Variants in MAP4K4 observed in about 807,000 individuals in gnomAD.
MAP4K4 encodes HPK/GCK-like kinase HGK.
Under a neutral mutation model 189.6 loss-of-function variants are expected in MAP4K4, and 38 were observed. That is an observed-to-expected ratio of 0.20 (90% CI 0.15 to 0.26). The LOEUF (loss-of-function observed/expected upper bound fraction) is 0.26, where lower values mean the gene tolerates loss of function less well. Ranked by LOEUF, MAP4K4 falls within the 10% of genes least tolerant of loss-of-function variation. The pLI is 1.00. For missense variants in MAP4K4, 1,054 were observed against 1,726.9 expected (o/e 0.61, Z 6.91); for synonymous variants, 610 against 624.3 (o/e 0.98, Z 0.34).
At chr2:101,817,718 T>C (rs1239401851) in intron 3 of MAP4K4, among the ~76,000 whole-genome samples, 2 of 152,242 alleles carry the variant, frequency 1.3e-5, no homozygotes, top group African/African-American at 4.8e-5. Context: ...TTCAGGCCAT[T>C]GCATGCTGGG....
At chr2:101,716,259 C>T (rs1336730641) in intron 2 of MAP4K4, among the ~76,000 whole-genome samples, 2 of 152,074 alleles carry the variant, frequency 1.3e-5, no homozygotes, top group Non-Finnish European at 2.9e-5. Flanking sequence ...CTGGCTAACA[C>T]GGTGAAACGC....
intron 13 of MAP4K4, among the ~76,000 whole-genome samples, chr2:101,856,852 A>G (rs1254009806): frequency 6.6e-6 from 1 of 152,212 alleles, no homozygotes; most frequent in Non-Finnish European, 1.5e-5. Context: ...AGCACTTGGT[A>G]TCTGTATTTT....
At chr2:101,700,781 GTT>G (rs5832982) in intron 2 of MAP4K4, among the ~76,000 whole-genome samples, 7 of 140,788 alleles carry the variant, frequency 5.0e-5, no homozygotes, top group African/African-American at 7.9e-5. Context: ...AGTAAAATGT[GTT>G]TTTTTTTTTT....
At chr2:101,780,276 C>A (rs2086667236) in intron 2 of MAP4K4, among the ~76,000 whole-genome samples, 1 of 152,058 alleles carries the variant, frequency 6.6e-6, no homozygotes, top group Admixed American at 6.5e-5. Context: ...TAATCTCTTG[C>A]CTTTTGATTT....
At chr2:101,715,466 TGA>T (rs1313880379) in intron 2 of MAP4K4, among the ~76,000 whole-genome samples, 1 of 152,218 alleles carries the variant, frequency 6.6e-6, no homozygotes, top group Non-Finnish European at 1.5e-5. Flanking sequence ...AAAGTGCTAA[TGA>T]TTTATTAACT....
At chr2:101,804,137 A>G (rs2094660963) in intron 3 of MAP4K4, among the ~76,000 whole-genome samples, 1 of 152,198 alleles carries the variant, frequency 6.6e-6, no homozygotes, top group Non-Finnish European at 1.5e-5. Flanking sequence ...AGCCTGCAAC[A>G]TCTGTGCCAC....
chr2:101,861,716 A>G (rs907389515), intron 16 of MAP4K4: 3 of 152,222 alleles, frequency 2.0e-5, no homozygotes, highest in African/African-American at 4.8e-5. Flanking sequence ...AACGAAGATC[A>G]TGGCTAAAGA....
At chr2:101,875,450 A>G (rs1270712448) in intron 26 of MAP4K4, among the ~76,000 whole-genome samples, 1 of 152,082 alleles carries the variant, frequency 6.6e-6, no homozygotes, top group East Asian at 1.9e-4. Context: ...ATGTTGGGAT[A>G]ATCCCAACTC....
chr2:101,799,303 T>C (rs1046392212), intron 3 of MAP4K4, among the ~76,000 whole-genome samples: 2 of 152,216 alleles, frequency 1.3e-5, no homozygotes, highest in Non-Finnish European at 2.9e-5. Context: ...AGTTTTTACA[T>C]AGTAAATGTG....
At chr2:101,799,262 A>T (rs1052108454) in intron 3 of MAP4K4, among the ~76,000 whole-genome samples, 7 of 152,214 alleles carry the variant, frequency 4.6e-5, no homozygotes, top group African/African-American at 1.7e-4. Flanking sequence ...TTTTGTCAGA[A>T]TTAAAATTAA....
At chr2:101,835,444 T>C (rs1365300604) in intron 8 of MAP4K4, among the ~76,000 whole-genome samples, 1 of 152,218 alleles carries the variant, frequency 6.6e-6, no homozygotes, top group Non-Finnish European at 1.5e-5. Context: ...CAATTTTTGC[T>C]CTTTCTAGTA....
At chr2:101,727,431 A>G (rs575457493) in intron 2 of MAP4K4, among the ~76,000 whole-genome samples, 1 of 152,368 alleles carries the variant, frequency 6.6e-6, no homozygotes, top group South Asian at 2.1e-4. Context: ...AGAACCTTGT[A>G]TAGTCAGTGA....
intron 2 of MAP4K4, among the ~76,000 whole-genome samples, chr2:101,728,886 GTATGTGAGAGAAACT>G (rs2056947533): frequency 6.6e-6 from 1 of 152,162 alleles, no homozygotes; most frequent in South Asian, 2.1e-4. Context: ...ATATCTTGTA[GTATGTGAGAGAAACT>G]GATTTATATT....
At chr2:101,732,470 C>G (rs902034160) in intron 2 of MAP4K4, among the ~76,000 whole-genome samples, 18 of 152,272 alleles carry the variant, frequency 1.2e-4, no homozygotes, top group African/African-American at 4.3e-4. Flanking sequence ...TCATTCCCCG[C>G]TCCCCTAGCC....
chr2:101,853,273 T>C (rs2097343778), intron 12 of MAP4K4, among the ~76,000 whole-genome samples: 1 of 151,852 alleles, frequency 6.6e-6, no homozygotes, highest in Non-Finnish European at 1.5e-5. Context: ...TGGAAACAAA[T>C]AGGAAAAAGA....
At chr2:101,795,749 T>C (rs1294263751) in intron 3 of MAP4K4, among the ~76,000 whole-genome samples, 1 of 152,192 alleles carries the variant, frequency 6.6e-6, no homozygotes, top group Non-Finnish European at 1.5e-5. Context: ...AGCTAAGAAG[T>C]ACATTTTTTC....
chr2:101,743,372 T>C (rs1166423953), intron 2 of MAP4K4, among the ~76,000 whole-genome samples: 3 of 152,202 alleles, frequency 2.0e-5, no homozygotes, highest in Non-Finnish European at 2.9e-5. Context: ...ACTGTGACCC[T>C]AGACTCAATA....
intron 2 of MAP4K4, among the ~76,000 whole-genome samples, chr2:101,708,920 T>C (rs2043904614): frequency 6.6e-6 from 1 of 152,252 alleles, no homozygotes; most frequent in Admixed American, 6.5e-5. Context: ...TGTGGTTCTT[T>C]GTTCCTTTTT....
intron 28 of MAP4K4, 86 bp downstream of exon 28, chr2:101,882,771 A>T (rs2098419941): frequency 7.5e-7 from 1 of 1,329,210 alleles, no homozygotes; most frequent in Non-Finnish European, 1.0e-6. Context: ...AGGTTTTTTG[A>T]AGTTTGTAAT....
Sources: gnomAD v4.1 joint callset for allele counts (sites outside exome capture counted in the v4.1 genomes callset) on GRCh38, gnomAD v4.1.1 for gene constraint, MANE v1.5 for transcripts, NCBI Gene and HGNC (gene_info 2026-07-23, HGNC 2026-07-21) for gene names.